The following DNAAF9 variants were observed in gnomAD, a reference collection of about 807,000 sequenced individuals.
The protein encoded by DNAAF9 is dynein axonemal assembly factor 9.
A neutral mutation model predicts 167.0 loss-of-function variants in DNAAF9; 90 were observed. That is an observed-to-expected ratio of 0.54 (90% CI 0.45 to 0.64). The LOEUF is 0.64. DNAAF9 is among the 30% of genes least tolerant of loss of function. The probability of loss-of-function intolerance (pLI) is 0.00; values close to 1 mark genes in which losing one functional copy is unlikely to be tolerated. For synonymous variants in DNAAF9, 491 were observed against 508.8 expected (o/e 0.96, Z 0.47); for missense variants, 1,315 against 1,442.2 (o/e 0.91, Z 1.43).
chr20:3,304,624 TGGTAACTAGAG>T (rs1202089972), intron 20 of DNAAF9, 81 bp from the exon 21 acceptor site: 1 of 721,888 alleles, frequency 1.4e-6, no homozygotes, highest in Admixed American at 2.3e-5. Context: ...TACAGCAGTG[TGGTAACTAGAG>T]GCCAGTATCA....
At chr20:3,312,512 T>G (rs2069432443) in intron 20 of DNAAF9, among the ~76,000 whole-genome samples, 1 of 151,918 alleles carries the variant, frequency 6.6e-6, no homozygotes, top group African/African-American at 2.4e-5. Flanking sequence ...TGAAGATCAA[T>G]AAAGATAATG....
At chr20:3,287,829 T>A in intron 26 of DNAAF9, 39 bp from the exon 27 acceptor site, 1 of 1,586,146 alleles carries the variant, frequency 6.3e-7, no homozygotes, top group Non-Finnish European at 8.7e-7. Flanking sequence ...GGGGGCCACC[T>A]GATGGCCTAG....
chr20:3,280,317 C>A lies in DNAAF9; in HGVS notation c.2612+1324G>T, dbSNP rs1464283679. ...ATTTAAACAGCCTGTAATCCCAGCA[C>A]TTTTGGAGGCTGAGATGGGCAGATC... On this transcript the variant is annotated intron_variant, in intron 28 of 36. Transcript: ENST00000252032. Among the ~76,000 whole-genome samples the A allele has an allele frequency of 2.0e-5, 3 of 152,082 alleles. No individual in the cohort carries two copies. In the East Asian group the frequency reaches 5.8e-4, roughly 29 times the overall value.
Position 3,324,983 on chromosome 20 carries a change from G to C in DNAAF9, c.1189-15C>G, listed in dbSNP as rs763559033. The C allele has an allele frequency of 1.3e-6, 2 of 1,486,624 alleles. No homozygotes were observed. The highest frequency in any genetic ancestry group is 1.7e-5 in the Admixed American group (1 of 59,854). 92.1% of individuals were successfully genotyped at this position (1,486,624 alleles called of 1,614,324 possible). Reference sequence around the variant, plus strand: ...ACCTCCTTGGCCTGTAAAATAATAAGACAGCGACAATTAGCTTTCACAGCA... The same window carrying C: ...ACCTCCTTGGCCTGTAAAATAATAACACAGCGACAATTAGCTTTCACAGCA... On this transcript the variant is annotated splice_polypyrimidine_tract_variant and intron_variant, in intron 13 of 36. Transcript: ENST00000252032.
In DNAAF9 at chr20:3,318,333, A is replaced by G; in HGVS notation, c.1424T>C (p.Phe475Ser). ...GGNGCLGSVV[F>S]SESFLTSQIL... ...CTGAGAAGTCAAAAATGATTCAGAG[A>G]AAACCACAGATCCTAAACAACCATT... The change falls in exon 17 of 37, where the codon TTC becomes TCC. Residue 475 changes from phenylalanine to serine, a missense_variant. Phe to Ser is a radical substitution (Grantham distance 155, BLOSUM62 -2). This residue lies in a region of DNAAF9 where 981 missense variants were observed against 1,012.5 expected (regional missense o/e 0.97). Transcript: ENST00000252032. 1.2e-6 allele frequency: 2 copies of G among 1,603,820 alleles called. No individual in the cohort carries two copies. The highest frequency in any genetic ancestry group is 1.7e-6 in the Non-Finnish European group (2 of 1,170,766).
intron 29 of DNAAF9, among the ~76,000 whole-genome samples, 170 bp from the exon 30 acceptor site, chr20:3,270,732 C>A (rs1011312557): frequency 1.3e-5 from 2 of 152,118 alleles, no homozygotes; most frequent in Non-Finnish European, 2.9e-5. Flanking sequence ...TCTCTTCCCA[C>A]TTCCCGGCAC....
At chr20:3,316,646 C>T (rs748192602) in intron 18 of DNAAF9, 77 bp downstream of exon 18, 435 of 1,046,874 alleles carry the variant, frequency 4.2e-4, no homozygotes, top group Non-Finnish European at 6.1e-4. Context: ...AGGGGCCCAA[C>T]AAAGAGGCTC....
chr20:3,322,094 A>G, intron 16 of DNAAF9, 123 bp downstream of exon 16: 4 of 698,672 alleles, frequency 5.7e-6, no homozygotes, highest in Non-Finnish European at 1.0e-5. Context: ...TAGGACTGAG[A>G]GAAGATCAGC....
Position 3,318,220 on chromosome 20 carries a change from ATAGTTT to A in DNAAF9, c.1468+63_1468+68del, listed in dbSNP as rs2069543943. 7 of 650,708 alleles carry A rather than the reference ATAGTTT, an allele frequency of 1.1e-5. No individual in the cohort carries two copies. In the Admixed American group the frequency reaches 1.6e-4, roughly 15 times the overall value. The allele number at this position is 650,708 out of a possible 1,614,324, so 40.3% of individuals were successfully genotyped here. A position where few individuals can be genotyped will look rare whatever the true frequency, so the allele number is the denominator to read the frequency against. Reference sequence around the variant, plus strand: ...TATTGTTGGCCTTTTGCCTTAGTTTATAGTTTATTTTGCCAAAAAAAAAAAAAAAAG... The same window carrying A: ...TATTGTTGGCCTTTTGCCTTAGTTTAATTTTGCCAAAAAAAAAAAAAAAAG... On this transcript the variant is annotated intron_variant, in intron 17 of 36. Coordinates refer to ENST00000252032, the MANE Select transcript of DNAAF9 (RefSeq NM_001009984.3).
At position 3,364,947 on chromosome 20, in the gene DNAAF9, CTTTTTTT is replaced by C. The variant is rs80087421; in HGVS notation, c.613-5361_613-5355del. Among the ~76,000 whole-genome samples, 11 of 87,620 alleles carry C rather than the reference CTTTTTTT, an allele frequency of 1.3e-4. No individual in the cohort carries two copies. In the East Asian group the frequency reaches 1.7e-3, roughly 14 times the overall value. The allele number at this position is 87,620 out of a possible 152,430, so 57.5% of individuals were successfully genotyped here. ...CTCTCTCTCCTTCTTTTCCTTTTTT[CTTTTTTT>C]TTTTTTTGAAATAGAGCCTCCTTCT... On this transcript the variant is annotated intron_variant, in intron 6 of 36. Coordinates refer to ENST00000252032, the MANE Select transcript of DNAAF9 (RefSeq NM_001009984.3).
intron 30 of DNAAF9, among the ~76,000 whole-genome samples, chr20:3,265,092 G>C (rs925357627): frequency 6.6e-6 from 1 of 152,074 alleles, no homozygotes; most frequent in South Asian, 2.1e-4. Flanking sequence ...GCAATCACCT[G>C]GGAGCTTGTT....
rs750472586 is a variant in DNAAF9 at position 3,298,023 on chromosome 20, T to TA, written c.1929+5dup. The TA allele has an allele frequency of 6.2e-7, 1 of 1,609,586 alleles. No individual in the cohort carries two copies. The highest frequency in any genetic ancestry group is 8.5e-7 in the Non-Finnish European group (1 of 1,175,934). On this transcript the variant is annotated splice_donor_region_variant and intron_variant, in intron 22 of 36. Coordinates refer to ENST00000252032, the MANE Select transcript of DNAAF9 (RefSeq NM_001009984.3). ...AGTAGTTTTGCTGAATAATGACTGA[T>TA]ATTACCTCTGAGTAAAATGCTTGGT... is the stretch of plus-strand genomic sequence containing the variant.
chr20:3,374,802 G>C (rs2083553601), intron 5 of DNAAF9, among the ~76,000 whole-genome samples: 1 of 152,128 alleles, frequency 6.6e-6, no homozygotes, highest in Non-Finnish European at 1.5e-5. Context: ...TTCTGTATCA[G>C]TTCTTCTACC....
intron 21 of DNAAF9, among the ~76,000 whole-genome samples, chr20:3,301,367 T>C (rs1304728980): frequency 3.3e-5 from 5 of 152,184 alleles, no homozygotes; most frequent in African/African-American, 1.2e-4. Flanking sequence ...TCTGTATTTT[T>C]AGTAGAGACG....
chr20:3,357,732 C>A (rs1049764931), intron 7 of DNAAF9, among the ~76,000 whole-genome samples: 3 of 151,748 alleles, frequency 2.0e-5, no homozygotes, highest in African/African-American at 4.8e-5. Flanking sequence ...GCTGTTGTTG[C>A]CCGGGCTGGA....
chr20:3,397,452 G>A (rs2083925590), intron 1 of DNAAF9, among the ~76,000 whole-genome samples: 1 of 152,020 alleles, frequency 6.6e-6, no homozygotes. Flanking sequence ...CCGAGTAGCT[G>A]GGATTACACG....
intron 1 of DNAAF9, among the ~76,000 whole-genome samples, chr20:3,390,761 C>T (rs919650672): frequency 3.3e-5 from 5 of 152,120 alleles, no homozygotes; most frequent in African/African-American, 7.2e-5. Flanking sequence ...AACAGCAAGA[C>T]GATCAAGATT....
In DNAAF9 at chr20:3,270,445, T is replaced by G; in HGVS notation, c.2768A>C (p.Glu923Ala). 1 of 1,614,044 alleles carries G rather than the reference T, an allele frequency of 6.2e-7. No individual in the cohort carries two copies. Among genetic ancestry groups the G allele is most frequent in the Non-Finnish European group, 8.5e-7 (1 of 1,179,930 alleles). ...ANPAAAFILAENGIVTRNEDI... is the reference protein window; with the variant it reads ...ANPAAAFILAANGIVTRNEDI... Reference sequence around the variant, plus strand: ...AGATTACCTGGTGACAATCCCATTTTCTGCAAGAATGAAGGCTGCAGCAGG... The same window carrying G: ...AGATTACCTGGTGACAATCCCATTTGCTGCAAGAATGAAGGCTGCAGCAGG... Residue 923 changes from glutamate to alanine, a missense_variant, in exon 30 of 37, where the codon GAA becomes GCA. Coordinates refer to ENST00000252032, the MANE Select transcript of DNAAF9 (RefSeq NM_001009984.3).
At chr20:3,361,457 A>G (rs1243471885) in intron 6 of DNAAF9, among the ~76,000 whole-genome samples, 1 of 152,164 alleles carries the variant, frequency 6.6e-6, no homozygotes, top group Non-Finnish European at 1.5e-5. Flanking sequence ...CAAGCCCCCC[A>G]GGCTAGACGG....
Sources: gnomAD v4.1 joint callset for allele counts (sites outside exome capture counted in the v4.1 genomes callset) on GRCh38, gnomAD v4.1.1 for gene constraint, gnomAD v4.1.1 regional missense constraint, MANE v1.5 for transcripts, NCBI Gene and HGNC (gene_info 2026-07-23, HGNC 2026-07-21) for gene names.